EPHA7: variants seen among roughly 807,000 people sequenced by gnomAD.
EPHA7 encodes EPH receptor A7.
Under a neutral mutation model 112.6 loss-of-function variants are expected in EPHA7, and 25 were observed. That is an observed-to-expected ratio of 0.22 (90% CI 0.16 to 0.31). The LOEUF (loss-of-function observed/expected upper bound fraction) is 0.31, where lower values mean the gene tolerates loss of function less well. Ranked by LOEUF, EPHA7 falls within the 10% of genes least tolerant of loss-of-function variation. The pLI, the probability that EPHA7 is intolerant of heterozygous loss-of-function variation, is 1.00. For missense variants in EPHA7, 962 were observed against 1,212.6 expected, an observed-to-expected ratio of 0.79 and a Z score of 3.07; for synonymous variants, 437 against 406.5, an observed-to-expected ratio of 1.07 and a Z score of -0.90.
chr6:93,354,642 A>AC (rs1266986958), intron 5 of EPHA7, among the ~76,000 whole-genome samples: 3 of 150,718 alleles, frequency 2.0e-5, no homozygotes, highest in Admixed American at 1.3e-4. Flanking sequence ...GCAAAAAAAA[A>AC]AAAAAAACCC....
At chr6:93,324,027 C>T (rs543651032) in intron 5 of EPHA7, among the ~76,000 whole-genome samples, 2 of 151,560 alleles carry the variant, frequency 1.3e-5, no homozygotes, top group South Asian at 4.1e-4. Flanking sequence ...TTATCTTAAA[C>T]CATCCATGAA....
intron 15 of EPHA7, among the ~76,000 whole-genome samples, chr6:93,245,909 A>G (rs954178157): frequency 5.9e-5 from 9 of 152,214 alleles, no homozygotes; most frequent in African/African-American, 1.2e-4. Context: ...CTTACTACCA[A>G]TGTAAACCAG....
At position 93,243,454 on chromosome 6, in the gene EPHA7, T is replaced by G. The variant is rs758658280; in HGVS notation, c.2969A>C (p.His990Pro). ...CACTTGAATGCCAGTTCCATGTAAA[T>G]GTAGCATTTGTGCTCTCATAGTCTG... Reference protein sequence around the residue: ...SIQTMRAQMLHLHGTGIQV With the variant: ...SIQTMRAQMLPLHGTGIQV Residue 990 changes from histidine to proline, a missense_variant, in exon 17 of 17, where the codon CAT becomes CCT. Transcript: ENST00000369303. The G allele has an allele frequency of 6.2e-7, 1 of 1,613,386 alleles. No individual in the cohort carries two copies. Among genetic ancestry groups the G allele is most frequent in the Non-Finnish European group, 8.5e-7 (1 of 1,179,452 alleles).
At chr6:93,334,801 T>A (rs1175057018) in intron 5 of EPHA7, among the ~76,000 whole-genome samples, 1 of 152,146 alleles carries the variant, frequency 6.6e-6, no homozygotes, top group Non-Finnish European at 1.5e-5. Context: ...CATTCTCTGA[T>A]AACCATGAAC....
At chr6:93,348,409 C>G (rs945390931) in intron 5 of EPHA7, among the ~76,000 whole-genome samples, 2 of 151,738 alleles carry the variant, frequency 1.3e-5, no homozygotes, top group Admixed American at 6.6e-5. Context: ...GAAAGCATCT[C>G]CAATCCTGAT....
chr6:93,405,813 G>GTGTGTATATA lies in EPHA7; in HGVS notation c.832+4687_832+4688insTATATACACA, dbSNP rs1357089640. Among the ~76,000 whole-genome samples the GTGTGTATATA allele has an allele frequency of 1.2e-4, 9 of 73,980 alleles. No individual in the cohort carries two copies. In the East Asian group the frequency reaches 3.1e-3, roughly 25 times the overall value. 48.5% of individuals were successfully genotyped at this position (73,980 alleles called of 152,430 possible). A position where few individuals can be genotyped will look rare whatever the true frequency, so the allele number is the denominator to read the frequency against. On this transcript the variant is annotated intron_variant, in intron 3 of 16. Coordinates refer to ENST00000369303, the MANE Select transcript of EPHA7 (RefSeq NM_004440.4). ...TGTGTGTGTGTGTGTGTGTGTGTGTGTATATATATATATATATATATATAT... is the reference window on the plus strand; with the variant it reads ...TGTGTGTGTGTGTGTGTGTGTGTGTGTGTGTATATATATATATATATATATATATATATAT...
intron 5 of EPHA7, among the ~76,000 whole-genome samples, chr6:93,321,170 C>G (rs1050049462): frequency 2.0e-5 from 3 of 151,888 alleles, no homozygotes; most frequent in Non-Finnish European, 2.9e-5. Flanking sequence ...TACCTGCATA[C>G]TTATAAAAAT....
intron 5 of EPHA7, among the ~76,000 whole-genome samples, chr6:93,306,761 A>G (rs1034216909): frequency 2.6e-5 from 4 of 152,024 alleles, no homozygotes; most frequent in Non-Finnish European, 4.4e-5. Context: ...TTTCCAAAGC[A>G]TTAGACAATC....
chr6:93,360,604 G>C (rs1329382107), intron 3 of EPHA7, among the ~76,000 whole-genome samples: 1 of 152,048 alleles, frequency 6.6e-6, no homozygotes, highest in African/African-American at 2.4e-5. Flanking sequence ...GCAAATAAAA[G>C]CCTCTAAATA....
intron 5 of EPHA7, among the ~76,000 whole-genome samples, chr6:93,319,948 G>T (rs1343315840): frequency 2.0e-5 from 3 of 151,858 alleles, no homozygotes; most frequent in African/African-American, 7.3e-5. Flanking sequence ...AATTTCTGTG[G>T]TAAGCTGAAA....
chr6:93,410,212 C>A lies in EPHA7; in HGVS notation c.832+289G>T. 3.2e-6 allele frequency: 1 copy of A among 312,436 alleles called. No individual in the cohort carries two copies. Among genetic ancestry groups the A allele is most frequent in the East Asian group, 5.9e-5 (1 of 16,890 alleles). 19.4% of individuals were successfully genotyped at this position (312,436 alleles called of 1,614,324 possible). A position where few individuals can be genotyped will look rare whatever the true frequency, so the allele number is the denominator to read the frequency against. On this transcript the variant is annotated intron_variant, in intron 3 of 16. Coordinates refer to ENST00000369303, the MANE Select transcript of EPHA7 (RefSeq NM_004440.4). The surrounding 1 kb of genome is among the most constrained non-coding windows in gnomAD (Gnocchi z 4.0). ...GCTATATGTCCAACTACCCAGACTC[C>A]TCTCTAAACTCCATAGCCCAACGTG...
rs1045610671 is a variant in EPHA7 at position 93,307,659 on chromosome 6, A to G, written c.1325-35237T>C. 2.6e-5 allele frequency among the ~76,000 whole-genome samples: 4 copies of G among 152,194 alleles called. No individual in the cohort carries two copies. In the South Asian group the frequency reaches 6.2e-4, roughly 24 times the overall value. ...AAATCTTATGACATTCAGATTAAGTAGTTAGTAGACAGTGGAAAAAATAAA... is the reference window on the plus strand; with the variant it reads ...AAATCTTATGACATTCAGATTAAGTGGTTAGTAGACAGTGGAAAAAATAAA... On this transcript the variant is annotated intron_variant, in intron 5 of 16. Transcript: ENST00000369303.
chr6:93,315,144 G>GAAAATTAACATTA (rs1773747145), intron 5 of EPHA7, among the ~76,000 whole-genome samples: 1 of 150,202 alleles, frequency 6.7e-6, no homozygotes, highest in African/African-American at 2.5e-5. Flanking sequence ...TTACAGGCGT[G>GAAAATTAACATTA]AGCCACCGCG....
chr6:93,290,455 T>C (rs1772302028), intron 5 of EPHA7, among the ~76,000 whole-genome samples: 1 of 152,148 alleles, frequency 6.6e-6, no homozygotes, highest in Admixed American at 6.6e-5. Flanking sequence ...TGATAGGTAA[T>C]ACATACAAAA....
At chr6:93,377,078 C>T (rs145772121) in intron 3 of EPHA7, among the ~76,000 whole-genome samples, 1 of 152,294 alleles carries the variant, frequency 6.6e-6, no homozygotes, top group East Asian at 1.9e-4. Flanking sequence ...CTCTCCAGTG[C>T]AATAGTTTTC....
intron 5 of EPHA7, among the ~76,000 whole-genome samples, chr6:93,341,242 G>T (rs1775120926): frequency 6.6e-6 from 1 of 151,824 alleles, no homozygotes. Flanking sequence ...AGGGTTTCTT[G>T]AAATATTCTC....
chr6:93,411,191 T>A (rs1462397146), intron 2 of EPHA7, 21 bp from the exon 3 acceptor site: 1 of 1,581,004 alleles, frequency 6.3e-7, no homozygotes, highest in Non-Finnish European at 8.6e-7. Flanking sequence ...TGAAAAAAGG[T>A]CATCAGTCAT....
intron 1 of EPHA7, among the ~76,000 whole-genome samples, chr6:93,417,969 A>G (rs1049236985): frequency 6.6e-6 from 1 of 152,104 alleles, no homozygotes; most frequent in East Asian, 1.9e-4. Context: ...GAAAAGGTGC[A>G]CTAAGTTTTC....
At chr6:93,371,682 C>A (rs1010104946) in intron 3 of EPHA7, among the ~76,000 whole-genome samples, 6 of 152,066 alleles carry the variant, frequency 3.9e-5, no homozygotes. Context: ...AAAGTTCTTA[C>A]AAAGGAAATG....
Sources: gnomAD v4.1 joint callset for allele counts (sites outside exome capture counted in the v4.1 genomes callset) on GRCh38, gnomAD v4.1.1 for gene constraint, Gnocchi (gnomAD v3.1) non-coding constraint, MANE v1.5 for transcripts, NCBI Gene and HGNC (gene_info 2026-07-23, HGNC 2026-07-21) for gene names.